JMY: variants seen among roughly 807,000 people sequenced by gnomAD.
JMY encodes the protein junction-mediating and -regulatory protein.
JMY carries 46 observed loss-of-function variants against 103.3 expected under a neutral mutation model. The observed-to-expected ratio is 0.45, with a 90% CI of 0.35 to 0.57. JMY has a LOEUF of 0.57. Ranked by LOEUF, JMY falls within the 20% of genes least tolerant of loss-of-function variation. The probability of loss-of-function intolerance (pLI) is 0.00; values close to 1 mark genes in which losing one functional copy is unlikely to be tolerated. For missense variants in JMY, 1,238 were observed against 1,255.2 expected (o/e 0.99, Z 0.21); for synonymous variants, 526 against 489.3 (o/e 1.07, Z -0.99).
At position 79,314,483 on chromosome 5, in the gene JMY, C is replaced by A. The variant is rs775208141; in HGVS notation, c.2291C>A (p.Thr764Lys). 2.1e-5 allele frequency: 34 copies of A among 1,614,066 alleles called. No homozygotes were observed. The highest frequency in any genetic ancestry group is 2.9e-5 in the Non-Finnish European group (34 of 1,180,034). ...GTGCAACTTGAAGATACTTCATTAA[C>A]ACAACTTGAAGCCACCTCATTACCT... is the stretch of plus-strand genomic sequence containing the variant. The part of the protein sequence containing the change: ...SLVQLEDTSL[T>K]QLEATSLPLS... The change falls in exon 9 of 11, where the codon ACA becomes AAA. Residue 764 changes from threonine (T) to lysine (K), a missense_variant. Thr to Lys is a moderately conservative substitution (Grantham distance 78). Coordinates refer to ENST00000396137, the MANE Select transcript of JMY (RefSeq NM_152405.5).
intron 2 of JMY, among the ~76,000 whole-genome samples, chr5:79,285,866 C>CAT (rs1746252838): frequency 6.6e-6 from 1 of 152,174 alleles, no homozygotes; most frequent in African/African-American, 2.4e-5. Context: ...GTGTTTCTTA[C>CAT]ATAAAAGCCA....
At chr5:79,266,849 C>T (rs1402700458) in intron 1 of JMY, among the ~76,000 whole-genome samples, 1 of 152,130 alleles carries the variant, frequency 6.6e-6, no homozygotes, top group Non-Finnish European at 1.5e-5. Context: ...CTTTGATCAG[C>T]TTACAAAAAA....
chr5:79,244,948 TA>T (rs1004186893), intron 1 of JMY, among the ~76,000 whole-genome samples: 11 of 152,032 alleles, frequency 7.2e-5, no homozygotes, highest in Admixed American at 5.2e-4. Flanking sequence ...TTAAACTGCA[TA>T]GGGGCAGAGA....
intron 2 of JMY, among the ~76,000 whole-genome samples, chr5:79,287,653 A>G (rs111887717): frequency 2.6e-5 from 4 of 152,288 alleles, no homozygotes; most frequent in African/African-American, 7.2e-5. Context: ...TGAGACCCCC[A>G]TCTCTAAAGA....
At chr5:79,268,693 T>A (rs936018738) in intron 1 of JMY, among the ~76,000 whole-genome samples, 3 of 152,082 alleles carry the variant, frequency 2.0e-5, no homozygotes, top group African/African-American at 7.2e-5. Context: ...TTTCACCATG[T>A]TGGCCAGGAT....
In JMY at chr5:79,238,896, C is replaced by G. The variant is rs550949589; in HGVS notation, c.1032+1214C>G. On this transcript the variant is annotated intron_variant, in intron 1 of 10. Coordinates refer to ENST00000396137, the MANE Select transcript of JMY (RefSeq NM_152405.5). ...GCCAGTATGGTCTCGATCTCCTGACCTCGTGATCCGCCCGCCTCGGCCTCC... is the reference window on the plus strand; with the variant it reads ...GCCAGTATGGTCTCGATCTCCTGACGTCGTGATCCGCCCGCCTCGGCCTCC... Among the ~76,000 whole-genome samples, 69 of 152,252 alleles carry G rather than the reference C, an allele frequency of 4.5e-4. No individual in the cohort carries two copies. In the South Asian group the frequency reaches 0.01, roughly 22 times the overall value.
intron 1 of JMY, among the ~76,000 whole-genome samples, chr5:79,274,987 T>C (rs966062193): frequency 6.6e-6 from 1 of 152,176 alleles, no homozygotes; most frequent in African/African-American, 2.4e-5. Context: ...ATAGTTCCAG[T>C]GATCAGCCAG....
chr5:79,263,501 C>G (rs1200732523), intron 1 of JMY, among the ~76,000 whole-genome samples: 1 of 152,136 alleles, frequency 6.6e-6, no homozygotes, highest in African/African-American at 2.4e-5. Flanking sequence ...TCAAGTGATC[C>G]TGCAGCCTCA....
At chr5:79,296,704 C>G (rs1746573290) in intron 4 of JMY, among the ~76,000 whole-genome samples, 1 of 152,194 alleles carries the variant, frequency 6.6e-6, no homozygotes. Context: ...TTCTGTAACT[C>G]AAACAGTGGT....
intron 1 of JMY, among the ~76,000 whole-genome samples, chr5:79,275,726 A>C (rs776228850): frequency 2.0e-5 from 3 of 152,240 alleles, no homozygotes; most frequent in Admixed American, 6.5e-5. Flanking sequence ...AGAGAAGTCA[A>C]AATTCTCCAT....
At chr5:79,262,607 A>G (rs1236856757) in intron 1 of JMY, among the ~76,000 whole-genome samples, 1 of 152,240 alleles carries the variant, frequency 6.6e-6, no homozygotes, top group Non-Finnish European at 1.5e-5. Context: ...CAATACTTAG[A>G]TTAAAATAGT....
At chr5:79,250,819 A>G (rs1363096823) in intron 1 of JMY, among the ~76,000 whole-genome samples, 1 of 151,468 alleles carries the variant, frequency 6.6e-6, no homozygotes, top group Non-Finnish European at 1.5e-5. Context: ...CTCTAGCAAG[A>G]TGTTGTATTT....
At chr5:79,243,966 G>A (rs1744815930) in intron 1 of JMY, among the ~76,000 whole-genome samples, 1 of 151,658 alleles carries the variant, frequency 6.6e-6, no homozygotes, top group Admixed American at 6.6e-5. Flanking sequence ...ATCACAAGAT[G>A]CCCAGTCCAC....
chr5:79,315,316 A>G (rs1747183441), intron 9 of JMY, among the ~76,000 whole-genome samples: 1 of 152,214 alleles, frequency 6.6e-6, no homozygotes, highest in Non-Finnish European at 1.5e-5. Context: ...AATCTGTTCA[A>G]CTTACAATGT....
At chr5:79,266,609 C>T (rs1745594512) in intron 1 of JMY, among the ~76,000 whole-genome samples, 1 of 152,200 alleles carries the variant, frequency 6.6e-6, no homozygotes, top group South Asian at 2.1e-4. Context: ...GTTCTTCCAA[C>T]TGTTTTGAAA....
At chr5:79,238,439 C>T (rs570837867) in intron 1 of JMY, among the ~76,000 whole-genome samples, 8 of 152,038 alleles carry the variant, frequency 5.3e-5, no homozygotes, top group Non-Finnish European at 1.2e-4. Flanking sequence ...AATGGATATA[C>T]ATATGGGGCT....
chr5:79,290,937 A>G (rs1746400565), intron 3 of JMY, among the ~76,000 whole-genome samples, 193 bp from the exon 4 acceptor site: 1 of 152,194 alleles, frequency 6.6e-6, no homozygotes, highest in South Asian at 2.1e-4. Flanking sequence ...GTGAGCTGAA[A>G]TCGCGCCACT....
chr5:79,273,442 T>G (rs1009444603), intron 1 of JMY, among the ~76,000 whole-genome samples: 3 of 152,226 alleles, frequency 2.0e-5, no homozygotes, highest in Non-Finnish European at 4.4e-5. Context: ...TTCAGGAATT[T>G]CTCTTTTATT....
chr5:79,241,118 C>T (rs1003340427), intron 1 of JMY, among the ~76,000 whole-genome samples: 3 of 152,104 alleles, frequency 2.0e-5, no homozygotes, highest in Admixed American at 2.0e-4. Flanking sequence ...AAGGTTTCAA[C>T]TTAAAATCAC....
Sources: allele counts gnomAD v4.1 joint callset (sites outside exome capture counted in the v4.1 genomes callset), GRCh38; gene constraint gnomAD v4.1.1; transcripts MANE v1.5; gene names NCBI Gene and HGNC (gene_info 2026-07-23, HGNC 2026-07-21).